PDZD2: variants seen among roughly 807,000 people sequenced by gnomAD.
PDZD2 encodes the protein PDZ domain containing 2.
A neutral mutation model predicts 220.7 loss-of-function variants in PDZD2; 90 were observed. The ratio of observed to expected loss-of-function variants is 0.41; its 90% CI spans 0.34 to 0.49. The LOEUF is 0.49. Among genes scored for constraint, PDZD2 ranks in the 20% least tolerant of loss-of-function variants. The pLI, the probability that PDZD2 is intolerant of heterozygous loss-of-function variation, is 0.28. For missense variants in PDZD2, 3,174 were observed against 3,608.5 expected, an observed-to-expected ratio of 0.88 and a Z score of 3.08; for synonymous variants, 1,375 against 1,450.5, an observed-to-expected ratio of 0.95 and a Z score of 1.18.
chr5:31,772,354 G>A (rs538554943), intron 1 of PDZD2, among the ~76,000 whole-genome samples: 2 of 152,310 alleles, frequency 1.3e-5, no homozygotes, highest in East Asian at 3.9e-4. Context: ...ATAGGAATTA[G>A]CTTAGACTGT....
chr5:31,846,299 A>C (rs1757585584), intron 2 of PDZD2, among the ~76,000 whole-genome samples: 1 of 152,062 alleles, frequency 6.6e-6, no homozygotes, highest in African/African-American at 2.4e-5. Flanking sequence ...GCACCCAGCT[A>C]ATTTTTTGTA....
intron 1 of PDZD2, among the ~76,000 whole-genome samples, chr5:31,712,930 A>G (rs2150140563): frequency 6.6e-6 from 1 of 152,334 alleles, no homozygotes; most frequent in Non-Finnish European, 1.5e-5. Context: ...CAGGAGTGAG[A>G]TGTACCCAAC....
chr5:32,084,324 C>T (rs776206036), intron 19 of PDZD2, among the ~76,000 whole-genome samples: 62 of 152,224 alleles, frequency 4.1e-4, no homozygotes, highest in Non-Finnish European at 6.8e-4. Context: ...CTGGGGCGAC[C>T]GCTGGCTCTG....
At chr5:32,003,337 C>CACACACACCAG (rs1752495355) in intron 5 of PDZD2, among the ~76,000 whole-genome samples, 1 of 13,226 alleles carries the variant, frequency 7.6e-5, no homozygotes, top group Admixed American at 7.0e-4. Flanking sequence ...ACCCCCACCA[C>CACACACACCAG]ACCACACACA....
intron 1 of PDZD2, among the ~76,000 whole-genome samples, chr5:31,710,289 G>A (rs752057500): frequency 1.4e-4 from 22 of 152,180 alleles, no homozygotes; most frequent in Non-Finnish European, 2.5e-4. Context: ...ACAGTTTTGC[G>A]TATTTGACAT....
At chr5:31,764,501 A>G (rs1751866190) in intron 1 of PDZD2, among the ~76,000 whole-genome samples, 1 of 152,196 alleles carries the variant, frequency 6.6e-6, no homozygotes, top group Non-Finnish European at 1.5e-5. Flanking sequence ...TCCTGTACAC[A>G]TTAAAGATTT....
At chr5:31,822,994 A>C in intron 2 of PDZD2, 1 of 1,188,588 alleles carries the variant, frequency 8.4e-7, no homozygotes, top group Non-Finnish European at 1.2e-6. Context: ...TTTCTTTCCG[A>C]GAAGACTGAG....
chr5:31,778,107 G>C (rs766554138), intron 1 of PDZD2, among the ~76,000 whole-genome samples: 2 of 152,298 alleles, frequency 1.3e-5, no homozygotes, highest in Non-Finnish European at 2.9e-5. Flanking sequence ...AGCTAATCTA[G>C]TGGGGACTTG....
chr5:31,797,957 A>G (rs1403017418), intron 1 of PDZD2, among the ~76,000 whole-genome samples: 1 of 149,784 alleles, frequency 6.7e-6, no homozygotes, highest in East Asian at 1.9e-4. Flanking sequence ...TCACTTTTCT[A>G]TGTTTATGGA....
intron 2 of PDZD2, among the ~76,000 whole-genome samples, chr5:31,981,705 G>T (rs1750309631): frequency 6.6e-6 from 1 of 152,172 alleles, no homozygotes; most frequent in Non-Finnish European, 1.5e-5. Context: ...CTTTTGCTTG[G>T]GAACGAGTGA....
intron 1 of PDZD2, among the ~76,000 whole-genome samples, chr5:31,686,637 G>T (rs1233675422): frequency 6.6e-6 from 1 of 152,152 alleles, no homozygotes; most frequent in African/African-American, 2.4e-5. Flanking sequence ...AAAGTGCTGG[G>T]ATTACAGGCG....
chr5:31,905,245 A>G (rs1229906108), intron 2 of PDZD2, among the ~76,000 whole-genome samples: 2 of 151,990 alleles, frequency 1.3e-5, no homozygotes, highest in Non-Finnish European at 2.9e-5. Context: ...CAGCCTCCCA[A>G]AGTGCTGGGA....
In PDZD2 at chr5:32,089,840, G is replaced by T. The variant is rs759393597; in HGVS notation, c.6392G>T (p.Arg2131Met). ...QGNCQEKSEIRLYRQVAESST... is the reference protein window; with the variant it reads ...QGNCQEKSEIMLYRQVAESST... Reference sequence around the variant, plus strand: ...AACTGTCAGGAGAAGAGTGAAATCAGGCTCTATCGCCAGGTCGCAGAATCA... The same window carrying T: ...AACTGTCAGGAGAAGAGTGAAATCATGCTCTATCGCCAGGTCGCAGAATCA... The change falls in exon 20 of 25, where the codon AGG becomes ATG. Residue 2131 changes from arginine to methionine, a missense_variant. Physicochemically the swap from Arg to Met is moderately conservative, Grantham distance 91. Transcript: ENST00000438447. 1.2e-6 allele frequency: 2 copies of T among 1,613,548 alleles called. No homozygotes were observed. Among genetic ancestry groups the T allele is most frequent in the East Asian group, 4.5e-5 (2 of 44,844 alleles).
rs528641582 is a variant in PDZD2 at position 32,048,080 on chromosome 5, T to C, written c.1520-459T>C. Among the ~76,000 whole-genome samples, 6 of 152,336 alleles carry C rather than the reference T, an allele frequency of 3.9e-5. No homozygotes were observed. In the East Asian group the frequency reaches 1.2e-3, roughly 29 times the overall value. ...CATTGAACTGTGTATTTATGAGTTG[T>C]GCACATTTCTGTAAGTTGTTATACT... is the stretch of plus-strand genomic sequence containing the variant. On this transcript the variant is annotated intron_variant, in intron 7 of 24. Transcript: ENST00000438447.
rs1382277960 is a variant in PDZD2, at chr5:31,799,285, C to T, written c.37C>T (p.Pro13Ser). The T allele has an allele frequency of 6.2e-7, 1 of 1,612,214 alleles. No individual in the cohort carries two copies. The highest frequency in any genetic ancestry group is 8.5e-7 in the Non-Finnish European group (1 of 1,178,940). Residue 13 changes from proline (P) to serine (S), a missense_variant, in exon 2 of 25, where the codon CCC becomes TCC. Coordinates refer to ENST00000438447, the MANE Select transcript of PDZD2 (RefSeq NM_178140.4). Reference sequence around the variant, plus strand: ...CCAGGACAATGCCGTGCTGCACCTGCCCCTCCTCTACCAGTGGCTGCAGAA... The same window carrying T: ...CCAGGACAATGCCGTGCTGCACCTGTCCCTCCTCTACCAGTGGCTGCAGAA... ...ITQDNAVLHL[P>S]LLYQWLQNSL...
chr5:31,818,414 C>T (rs1211740012), intron 2 of PDZD2, among the ~76,000 whole-genome samples: 2 of 152,176 alleles, frequency 1.3e-5, no homozygotes, highest in African/African-American at 2.4e-5. Context: ...CTCATCCACC[C>T]TGTGCCTGCC....
chr5:31,660,673 C>T lies in PDZD2; in HGVS notation c.-361+21236C>T, dbSNP rs191934120. 2.0e-5 allele frequency among the ~76,000 whole-genome samples: 3 copies of T among 152,252 alleles called. No individual in the cohort carries two copies. The East Asian group carries it at 5.8e-4, about 29-fold the overall frequency. ...ATGATTAAATTACCTCCCACTGAGT[C>T]CCTCCCATGACACATGGGGATTATG... On this transcript the variant is annotated intron_variant, in intron 1 of 24. Transcript: ENST00000438447.
At chr5:31,788,358 TA>T (rs1753499467) in intron 1 of PDZD2, among the ~76,000 whole-genome samples, 1 of 139,134 alleles carries the variant, frequency 7.2e-6, no homozygotes, top group South Asian at 2.3e-4. Context: ...GCAACAAGAG[TA>T]AAACTTCGTC....
At chr5:31,930,340 G>A (rs944378339) in intron 2 of PDZD2, among the ~76,000 whole-genome samples, 1 of 151,476 alleles carries the variant, frequency 6.6e-6, no homozygotes, top group Non-Finnish European at 1.5e-5. Flanking sequence ...CAAGTAGCTG[G>A]GACTACACCA....
Sources: allele counts gnomAD v4.1 joint callset (sites outside exome capture counted in the v4.1 genomes callset), GRCh38; gene constraint gnomAD v4.1.1; transcripts MANE v1.5; gene names NCBI Gene and HGNC (gene_info 2026-07-23, HGNC 2026-07-21).